Variants in TMEM117 observed in about 807,000 individuals in gnomAD.
TMEM117 encodes transmembrane protein 117.
In TMEM117, 27 loss-of-function variants were observed where a neutral mutation model predicts 52.4. The ratio of observed to expected loss-of-function variants is 0.51; its 90% CI spans 0.38 to 0.71. TMEM117 has a LOEUF of 0.71. Ranked by LOEUF, TMEM117 falls within the 30% of genes least tolerant of loss-of-function variation. The probability of loss-of-function intolerance (pLI) is 0.00; values close to 1 mark genes in which losing one functional copy is unlikely to be tolerated. For missense variants in TMEM117, 556 were observed against 630.5 expected, an observed-to-expected ratio of 0.88 and a Z score of 1.26; for synonymous variants, 215 against 206.3, an observed-to-expected ratio of 1.04 and a Z score of -0.36.
intron 5 of TMEM117, among the ~76,000 whole-genome samples, chr12:44,247,361 A>G (rs1258699115): frequency 3.9e-5 from 6 of 152,230 alleles, no homozygotes; most frequent in African/African-American, 1.4e-4. Flanking sequence ...ATGAGACGGC[A>G]ACATTTTCTT....
intron 2 of TMEM117, among the ~76,000 whole-genome samples, chr12:43,902,551 A>G (rs1944320967): frequency 6.6e-6 from 1 of 152,176 alleles, no homozygotes; most frequent in African/African-American, 2.4e-5. Context: ...ATAAGATTGA[A>G]CATCCAGGAA....
chr12:44,056,398 G>T (rs1197439031), intron 3 of TMEM117, among the ~76,000 whole-genome samples: 1 of 152,114 alleles, frequency 6.6e-6, no homozygotes, highest in Admixed American at 6.6e-5. Flanking sequence ...GTTGGGAAAG[G>T]TGCTCCCAAT....
intron 3 of TMEM117, among the ~76,000 whole-genome samples, chr12:44,061,951 A>G (rs1947145805): frequency 6.6e-6 from 1 of 152,140 alleles, no homozygotes; most frequent in Non-Finnish European, 1.5e-5. Context: ...AGGTTGGGGA[A>G]AATGGAAGGG....
the TMEM117 span, chr12:43,805,934 A>G: frequency 6.6e-7 from 1 of 1,524,936 alleles, no homozygotes; most frequent in Non-Finnish European, 8.8e-7. Context: ...GGACGGTGGA[A>G]GGCACGCCCC....
the TMEM117 span, among the ~76,000 whole-genome samples, chr12:43,820,410 A>G: frequency 6.6e-6 from 1 of 152,110 alleles, no homozygotes; most frequent in African/African-American, 2.4e-5. Context: ...AGTAGCTGGG[A>G]CTACAGACGC....
At chr12:43,825,904 C>G in the TMEM117 span, among the ~76,000 whole-genome samples, 1 of 152,330 alleles carries the variant, frequency 6.6e-6, no homozygotes, top group South Asian at 2.1e-4. Flanking sequence ...TGGCACATCT[C>G]TTATTTCAGC....
At chr12:44,046,494 A>G (rs1286651629) in intron 3 of TMEM117, among the ~76,000 whole-genome samples, 1 of 152,192 alleles carries the variant, frequency 6.6e-6, no homozygotes, top group Non-Finnish European at 1.5e-5. Context: ...ATGGGAAACT[A>G]AAACAGCCCA....
At chr12:44,000,353 G>T (rs1021834676) in intron 3 of TMEM117, among the ~76,000 whole-genome samples, 1 of 152,148 alleles carries the variant, frequency 6.6e-6, no homozygotes, top group South Asian at 2.1e-4. Flanking sequence ...CACTATTCCC[G>T]GGGCAGTCTT....
At chr12:44,286,773 C>A (rs1387370308) in intron 5 of TMEM117, among the ~76,000 whole-genome samples, 2 of 152,236 alleles carry the variant, frequency 1.3e-5, no homozygotes, top group African/African-American at 4.8e-5. Context: ...ATATAATAAA[C>A]AATTGAGTAG....
chr12:43,930,898 C>T (rs1037585344), intron 2 of TMEM117, among the ~76,000 whole-genome samples: 2 of 152,166 alleles, frequency 1.3e-5, no homozygotes, highest in African/African-American at 4.8e-5. Flanking sequence ...AGGCCAGGGT[C>T]TTCCTGAATG....
intron 3 of TMEM117, among the ~76,000 whole-genome samples, chr12:44,018,161 A>G (rs1946400934): frequency 6.6e-6 from 1 of 152,166 alleles, no homozygotes. Context: ...TTGAAATTAG[A>G]TAAGAAACAT....
At chr12:44,148,168 A>G (rs150366184) in intron 4 of TMEM117, among the ~76,000 whole-genome samples, 7 of 152,364 alleles carry the variant, frequency 4.6e-5, no homozygotes, top group African/African-American at 1.7e-4. Flanking sequence ...TAAAACAGGA[A>G]AAAGTCAGTT....
chr12:43,831,251 G>A (rs1200443714), upstream of TMEM117, among the ~76,000 whole-genome samples: 1 of 152,142 alleles, frequency 6.6e-6, no homozygotes, highest in African/African-American at 2.4e-5. Context: ...CTGACCTATT[G>A]GAAGTTAAAA....
chr12:44,343,144 G>A lies in TMEM117; in HGVS notation c.769-33451G>A, dbSNP rs1026040826. ...TTTTTTGTATTTTTAGTACAGATGGGGTTTCGCCATGTTGGCCAGGCTGGT... is the reference window on the plus strand; with the variant it reads ...TTTTTTGTATTTTTAGTACAGATGGAGTTTCGCCATGTTGGCCAGGCTGGT... On this transcript the variant is annotated intron_variant, in intron 6 of 7. Transcript: ENST00000266534. 1.6e-4 allele frequency among the ~76,000 whole-genome samples: 25 copies of A among 151,700 alleles called. 1 individual carries two copies. The highest frequency in any genetic ancestry group is 4.4e-5 in the Non-Finnish European group (3 of 67,932).
the TMEM117 span, among the ~76,000 whole-genome samples, chr12:43,813,721 T>C: frequency 1.3e-5 from 2 of 152,256 alleles, no homozygotes; most frequent in Admixed American, 1.3e-4. Context: ...GTGACTGTTG[T>C]TTCCTCGTGA....
chr12:43,837,826 T>G (rs74946780), intron 1 of TMEM117, among the ~76,000 whole-genome samples: 2 of 152,226 alleles, frequency 1.3e-5, no homozygotes, highest in Non-Finnish European at 2.9e-5. Context: ...GTTGCTGTTT[T>G]AAAAACTTGC....
At chr12:43,875,652 C>G (rs1943783018) in intron 2 of TMEM117, among the ~76,000 whole-genome samples, 1 of 152,094 alleles carries the variant, frequency 6.6e-6, no homozygotes, top group African/African-American at 2.4e-5. Flanking sequence ...GATTATCTAG[C>G]TGCCTAAAAT....
chr12:43,850,872 GTGATGA>G lies in TMEM117; in HGVS notation c.277+5962_277+5967del, dbSNP rs146867925. Among the ~76,000 whole-genome samples the G allele has an allele frequency of 4.0e-5, 6 of 150,594 alleles. No homozygotes were observed. The South Asian group carries it at 8.4e-4, about 21-fold the overall frequency. On this transcript the variant is annotated intron_variant, in intron 2 of 7. Coordinates refer to ENST00000266534, the MANE Select transcript of TMEM117 (RefSeq NM_032256.3). ...AAACTTCTGATAGGTGATGATGATG[GTGATGA>G]TGATGATGATGATGATGTTGTGTGT...
chr12:44,387,549 A>C (rs12309926), intron 7 of TMEM117, among the ~76,000 whole-genome samples: 6,462 of 152,170 alleles, frequency 0.042, 460 homozygotes, highest in African/African-American at 0.15. Flanking sequence ...ACAAACAGCA[A>C]TATGAATTAA....
Sources: gnomAD v4.1 joint callset for allele counts (sites outside exome capture counted in the v4.1 genomes callset) on GRCh38, gnomAD v4.1.1 for gene constraint, MANE v1.5 for transcripts, NCBI Gene and HGNC (gene_info 2026-07-23, HGNC 2026-07-21) for gene names.